DNAH17: variants seen among roughly 807,000 people sequenced by gnomAD.
DNAH17 encodes axonemal beta dynein heavy chain 17.
DNAH17 carries 376 observed loss-of-function variants against 485.6 expected under a neutral mutation model. That is an observed-to-expected ratio of 0.77 (90% CI 0.71 to 0.84). DNAH17 has a LOEUF of 0.84. Ranked by LOEUF, DNAH17 falls within the 40% of genes least tolerant of loss-of-function variation. DNAH17 has a pLI of 0.00. For synonymous variants in DNAH17, 3,031 were observed against 2,405.9 expected, an observed-to-expected ratio of 1.26 and a Z score of -7.60; for missense variants, 6,370 against 5,839.3, an observed-to-expected ratio of 1.09 and a Z score of -2.96.
At position 78,485,650 on chromosome 17, in the gene DNAH17, C is replaced by G. The variant is rs1416608817; in HGVS notation, c.7383G>C (p.Lys2461Asn). The G allele has an allele frequency of 6.2e-7, 1 of 1,614,044 alleles. No individual in the cohort carries two copies. The highest frequency in any genetic ancestry group is 8.5e-7 in the Non-Finnish European group (1 of 1,179,896). Residue 2461 changes from lysine to asparagine, a missense_variant, in exon 47 of 81, where the codon AAG (lysine) becomes AAC (asparagine). By Grantham distance (94) the Lys-to-Asn change is moderately conservative (BLOSUM62 0). Transcript: ENST00000389840. ...VMLVGNAGTG[K>N]SVLMGDKLES... ...CCAGCTTGTCCCCCATCAGCACCGA[C>G]TTGCCCGTCCCCGCGTTCCCCACCA...
intron 6 of DNAH17, 92 bp downstream of exon 6, chr17:78,570,856 C>CAAAAAAAAAAAAAAAAAAAAAAAAAAA (rs60897530): frequency 4.5e-5 from 13 of 292,130 alleles, no homozygotes; most frequent in African/African-American, 2.7e-4. Flanking sequence ...GACTCCCTCT[C>CAAAAAAAAAAAAAAAAAAAAAAAAAAA]AAAAAAAAAA....
chr17:78,569,482 C>A lies in DNAH17; in HGVS notation c.1090G>T (p.Gly364Cys). ...SPEEVLKGLQ[G>C]EIEEVLSGIS... The stretch of plus-strand genomic sequence containing the variant: ...CCACTCAGGACTTCCTCGATTTCAC[C>A]TTGCAGGCCCTTCAGCACCTCTTCC... The change falls in exon 8 of 81, where the codon GGT becomes TGT. Residue 364 changes from glycine (G) to cysteine (C), a missense_variant. Gly to Cys is a radical substitution (Grantham distance 159). Coordinates refer to ENST00000389840, the MANE Select transcript of DNAH17 (RefSeq NM_173628.4). 1.2e-6 allele frequency: 2 copies of A among 1,610,606 alleles called. No homozygotes were observed. Among genetic ancestry groups the A allele is most frequent in the Middle Eastern group, 1.7e-4 (1 of 6,060 alleles).
Position 78,491,293 on chromosome 17 carries a change from C to T in DNAH17, c.6669+150G>A, listed in dbSNP as rs942627624. 1.1e-5 allele frequency: 13 copies of T among 1,163,674 alleles called. No individual in the cohort carries two copies. The African/African-American group carries it at 1.6e-4, about 14-fold the overall frequency. 72.1% of individuals were successfully genotyped at this position (1,163,674 alleles called of 1,614,324 possible). A position where few individuals can be genotyped will look rare whatever the true frequency, so the allele number is the denominator to read the frequency against. On this transcript the variant is annotated intron_variant, in intron 43 of 80. Coordinates refer to ENST00000389840, the MANE Select transcript of DNAH17 (RefSeq NM_173628.4). ...TGACAAAGTCTCACGACAAGGTGCCCCTCACTCATAGCTTCCTGTGGAGAT... is the reference window on the plus strand; with the variant it reads ...TGACAAAGTCTCACGACAAGGTGCCTCTCACTCATAGCTTCCTGTGGAGAT...
intron 68 of DNAH17, chr17:78,449,928 G>A (rs758641714): frequency 1.6e-5 from 7 of 441,466 alleles, no homozygotes; most frequent in South Asian, 9.5e-5. Context: ...CACCCGCCTC[G>A]GCCCCCCATA....
chr17:78,547,310 C>T (rs1243827108), intron 16 of DNAH17, among the ~76,000 whole-genome samples: 2 of 152,190 alleles, frequency 1.3e-5, no homozygotes, highest in African/African-American at 4.8e-5. Context: ...GATGACTTTA[C>T]TGCTGCATTC....
intron 75 of DNAH17, 94 bp downstream of exon 75, chr17:78,433,923 AGGAAGGAGGGAG>A (rs757445257): frequency 0.02 from 11,332 of 557,782 alleles, 463 homozygotes; most frequent in African/African-American, 0.16. Flanking sequence ...AAGGGAGGGA[AGGAAGGAGGGAG>A]GGAAGGAGGG....
intron 73 of DNAH17, 92 bp from the exon 74 acceptor site, chr17:78,437,960 C>T: frequency 2.1e-6 from 2 of 943,542 alleles, no homozygotes; most frequent in Non-Finnish European, 3.2e-6. Context: ...CTGGTGAGGG[C>T]AGGGCTCTTC....
At chr17:78,513,640 T>C (rs2090696843) in intron 26 of DNAH17, among the ~76,000 whole-genome samples, 2 of 152,278 alleles carry the variant, frequency 1.3e-5, no homozygotes, top group South Asian at 4.1e-4. Flanking sequence ...TTCACCATGT[T>C]GGCCAGGCTG....
In DNAH17 at chr17:78,537,442, C is replaced by A. The variant is rs543496593; in HGVS notation, c.2716G>T (p.Asp906Tyr). ...GGGTTGAAGGTCAGCCCATCCTCGT[C>A]CAGCTCCATGCGGATCTCAAACAGG... ...APLFEIRMEL[D>Y]EDGLTFNPTL... The change falls in exon 19 of 81, where the codon GAC becomes TAC. Residue 906 changes from aspartate (D) to tyrosine (Y), a missense_variant. Coordinates refer to ENST00000389840, the MANE Select transcript of DNAH17 (RefSeq NM_173628.4). The A allele has an allele frequency of 1.2e-6, 2 of 1,613,456 alleles. No homozygotes were observed. The highest frequency in any genetic ancestry group is 2.2e-5 in the South Asian group (2 of 91,044).
In DNAH17 at chr17:78,458,646, G is replaced by T; in HGVS notation, c.9896C>A (p.Ala3299Glu). 20 of 1,613,982 alleles carry T rather than the reference G, an allele frequency of 1.2e-5. No homozygotes were observed. The highest frequency in any genetic ancestry group is 1.5e-5 in the Non-Finnish European group (18 of 1,179,890). Reference sequence around the variant, plus strand: ...TTTCTCAGCTGTTGCTTTTTCAAACGCTGAGGTTAGGTTGCTCAGGTTGGC... The same window carrying T: ...TTTCTCAGCTGTTGCTTTTTCAAACTCTGAGGTTAGGTTGCTCAGGTTGGC... ...LNANLSNLTS[A>E]FEKATAEKIK... The change falls in exon 62 of 81, where the codon GCG becomes GAG. Residue 3299 changes from alanine (A) to glutamate (E), a missense_variant. By Grantham distance (107) the Ala-to-Glu change is moderately radical (BLOSUM62 -1). Transcript: ENST00000389840.
chr17:78,511,556 A>G (rs2090636608), intron 26 of DNAH17, among the ~76,000 whole-genome samples: 2 of 152,230 alleles, frequency 1.3e-5, no homozygotes, highest in South Asian at 4.1e-4. Flanking sequence ...TTACTCTAGT[A>G]CCAGATCACC....
chr17:78,514,706 G>A, intron 26 of DNAH17, 68 bp downstream of exon 26: 2 of 1,558,646 alleles, frequency 1.3e-6, no homozygotes, highest in Non-Finnish European at 1.7e-6. Flanking sequence ...GGCAGCTCAG[G>A]CCAGCCCATC....
rs1331188889 is a variant in DNAH17 at position 78,502,465 on chromosome 17, G to T, written c.5190+126C>A. The T allele has an allele frequency of 2.1e-5, 19 of 906,308 alleles. No homozygotes were observed. In the Admixed American group the frequency reaches 5.5e-4, roughly 26 times the overall value. The allele number at this position is 906,308 out of a possible 1,614,324, so 56.1% of individuals were successfully genotyped here. On this transcript the variant is annotated intron_variant, in intron 33 of 80. Transcript: ENST00000389840. Reference sequence around the variant, plus strand: ...CCTGTGGAAACGACGGTTTTGCGGGGCTCAGCCTCCGAGAAGAAGCCGCTC... The same window carrying T: ...CCTGTGGAAACGACGGTTTTGCGGGTCTCAGCCTCCGAGAAGAAGCCGCTC...
rs1380193550 is a variant in DNAH17 at position 78,530,415 on chromosome 17, T to G, written c.3212A>C (p.Gln1071Pro). 6.2e-7 allele frequency: 1 copy of G among 1,613,608 alleles called. No homozygotes were observed. The highest frequency in any genetic ancestry group is 1.3e-5 in the African/African-American group (1 of 74,948). The change falls in exon 21 of 81, where the codon CAG (glutamine) becomes CCG (proline). Residue 1071 changes from glutamine (Q) to proline (P), a missense_variant. Gln to Pro is a moderately conservative substitution (Grantham distance 76, BLOSUM62 -1). Coordinates refer to ENST00000389840, the MANE Select transcript of DNAH17 (RefSeq NM_173628.4). The part of the protein sequence containing the change: ...WLQCDCRPFK[Q>P]ALLSTIRRWG... ...GCGCCGGATTGTGCTGAGCAGGGCC[T>G]GCTTGAAGGGGCGGCAGTCGCACTG...
At chr17:78,522,458 G>T in intron 25 of DNAH17, 1 of 318,652 alleles carries the variant, frequency 3.1e-6, no homozygotes. Context: ...AAGGGTGGAG[G>T]CACTGGCAAC....
intron 48 of DNAH17, among the ~76,000 whole-genome samples, chr17:78,483,908 C>T (rs1363985357): frequency 1.3e-4 from 20 of 151,866 alleles, no homozygotes; most frequent in Admixed American, 1.3e-3. Flanking sequence ...AACAGCCTGG[C>T]CAACATGGCG....
At chr17:78,552,600 A>G (rs996046254) in intron 15 of DNAH17, 97 bp downstream of exon 15, 14 of 769,230 alleles carry the variant, frequency 1.8e-5, no homozygotes, top group Non-Finnish European at 3.2e-5. Context: ...CACAGCCAGG[A>G]GGCAGAAGTG....
chr17:78,470,999 A>G (rs2088723115), intron 54 of DNAH17, among the ~76,000 whole-genome samples: 1 of 152,230 alleles, frequency 6.6e-6, no homozygotes, highest in Non-Finnish European at 1.5e-5. Flanking sequence ...TTCCATGTAT[A>G]TATATGTTCA....
In DNAH17 at chr17:78,451,479, T is replaced by C. The variant is rs749988248; in HGVS notation, c.10724A>G (p.Glu3575Gly). Residue 3575 changes from glutamate to glycine, a missense_variant, in exon 66 of 81, where the codon GAA becomes GGA. By Grantham distance (98) the Glu-to-Gly change is moderately conservative. Transcript: ENST00000389840. ...ACTTCAGGCCATTACCTTCAGCTGTTCCAGATCTGGGCGCTCTTTGGCCAC... is the reference window on the plus strand; with the variant it reads ...ACTTCAGGCCATTACCTTCAGCTGTCCCAGATCTGGGCGCTCTTTGGCCAC... ...AVVAKERPDL[E>G]QLKANLTKSQ... 1 of 1,610,818 alleles carries C rather than the reference T, an allele frequency of 6.2e-7. No homozygotes were observed. Among genetic ancestry groups the C allele is most frequent in the East Asian group, 2.2e-5 (1 of 44,836 alleles).
Sources: gnomAD v4.1 joint callset for allele counts (sites outside exome capture counted in the v4.1 genomes callset) on GRCh38, gnomAD v4.1.1 for gene constraint, MANE v1.5 for transcripts, NCBI Gene and HGNC (gene_info 2026-07-23, HGNC 2026-07-21) for gene names.